Variants in SUSD1 observed in about 807,000 individuals in gnomAD.
SUSD1 encodes the protein sushi domain containing 1.
SUSD1 carries 65 observed loss-of-function variants against 86.9 expected under a neutral mutation model. That is an observed-to-expected ratio of 0.75 (90% CI 0.61 to 0.92). The LOEUF (loss-of-function observed/expected upper bound fraction) is 0.92, where lower values mean the gene tolerates loss of function less well. Ranked by LOEUF, SUSD1 falls within the 40% of genes least tolerant of loss-of-function variation. The pLI is 0.00. For missense variants in SUSD1, 850 were observed against 929.7 expected, an observed-to-expected ratio of 0.91 and a Z score of 1.11; for synonymous variants, 346 against 350.0, an observed-to-expected ratio of 0.99 and a Z score of 0.13.
At chr9:112,116,981 AAT>A (rs1425659059) in intron 6 of SUSD1, among the ~76,000 whole-genome samples, 1 of 152,072 alleles carries the variant, frequency 6.6e-6, no homozygotes, top group Non-Finnish European at 1.5e-5. Context: ...CTCTACTAAA[AAT>A]AGAGAAATTA....
rs148424470 is a variant in SUSD1, at chr9:112,098,610, G to A, written c.1334C>T (p.Ser445Leu). The A allele has an allele frequency of 1.7e-5, 28 of 1,614,022 alleles. No individual in the cohort carries two copies. Among genetic ancestry groups the A allele is most frequent in the East Asian group, 4.5e-5 (2 of 44,892 alleles). The change falls in exon 10 of 17, where the codon TCG (serine) becomes TTG (leucine). Residue 445 changes from serine (S) to leucine (L), a missense_variant. Physicochemically the swap from Ser to Leu is moderately radical, Grantham distance 145 (BLOSUM62 -2). Coordinates refer to ENST00000374270, the MANE Select transcript of SUSD1 (RefSeq NM_022486.5). ...TTGTTCCCTCGTTGTGAAGTTAAAC[G>A]ATGTTGCATGAGAAAAGTTAGCCAG... ...WYLANFSHAT[S>L]FNFTTREQVP...
At position 112,041,858 on chromosome 9, in the gene SUSD1, C is replaced by G. The variant is rs1196917778; in HGVS notation, c.2243+9G>C. On this transcript the variant is annotated intron_variant, in intron 16 of 16. Transcript: ENST00000374270. Reference sequence around the variant, plus strand: ...CCAGTCATTTCTCAAAAATGACACCCTCACATACCACACCGCTGAGAAGGA... The same window carrying G: ...CCAGTCATTTCTCAAAAATGACACCGTCACATACCACACCGCTGAGAAGGA... 6.2e-7 allele frequency: 1 copy of G among 1,612,372 alleles called. No homozygotes were observed. The highest frequency in any genetic ancestry group is 2.2e-5 in the East Asian group (1 of 44,680).
chr9:112,133,499 T>G (rs1398062872), intron 5 of SUSD1, among the ~76,000 whole-genome samples: 1 of 152,206 alleles, frequency 6.6e-6, no homozygotes, highest in African/African-American at 2.4e-5. Flanking sequence ...GGTGCTGGGA[T>G]AGCTGGCTAG....
At chr9:112,122,669 G>A (rs1459474923) in intron 6 of SUSD1, among the ~76,000 whole-genome samples, 1 of 152,190 alleles carries the variant, frequency 6.6e-6, no homozygotes, top group Non-Finnish European at 1.5e-5. Flanking sequence ...CTCAAAGAGA[G>A]ATTTGTACAC....
At chr9:112,133,102 A>G (rs1285181976) in intron 5 of SUSD1, among the ~76,000 whole-genome samples, 1 of 152,196 alleles carries the variant, frequency 6.6e-6, no homozygotes, top group Non-Finnish European at 1.5e-5. Context: ...ACATGTTAAG[A>G]CACTGTTTCT....
intron 1 of SUSD1, chr9:112,169,326 ACAGT>A (rs2131860335): frequency 6.6e-6 from 1 of 152,210 alleles, no homozygotes; most frequent in African/African-American, 2.4e-5. Flanking sequence ...TTGATTGTGG[ACAGT>A]CAGTTACAGA....
chr9:112,112,501 T>C (rs1831142389), intron 7 of SUSD1, among the ~76,000 whole-genome samples: 1 of 151,976 alleles, frequency 6.6e-6, no homozygotes, highest in South Asian at 2.1e-4. Flanking sequence ...CCAAGCATGG[T>C]AGTGCACACC....
chr9:112,104,156 C>T (rs746510418), intron 8 of SUSD1, among the ~76,000 whole-genome samples: 15 of 151,954 alleles, frequency 9.9e-5, no homozygotes, highest in Admixed American at 6.6e-4. Flanking sequence ...GCTAGGACTA[C>T]GGGCATGCAC....
chr9:112,117,925 G>C (rs909569531), intron 6 of SUSD1, among the ~76,000 whole-genome samples: 9 of 152,178 alleles, frequency 5.9e-5, no homozygotes, highest in Admixed American at 2.6e-4. Flanking sequence ...CAGTGAAGTG[G>C]GGGTGTTCGA....
intron 15 of SUSD1, among the ~76,000 whole-genome samples, chr9:112,045,906 T>C (rs1827936395): frequency 6.6e-6 from 1 of 152,234 alleles, no homozygotes; most frequent in African/African-American, 2.4e-5. Context: ...TTCTTCTAAC[T>C]ATCCCCTCAC....
rs375861501 is a variant in SUSD1, at chr9:112,111,850, G to C, written c.985-10C>G. On this transcript the variant is annotated splice_polypyrimidine_tract_variant and intron_variant, in intron 7 of 16. Coordinates refer to ENST00000374270, the MANE Select transcript of SUSD1 (RefSeq NM_022486.5). The stretch of plus-strand genomic sequence containing the variant: ...GTCCTTTTATGGATATCTTTGAGAG[G>C]AAAAGACAAGAGAACCCACTCTGAC... The C allele has an allele frequency of 1.2e-5, 20 of 1,612,636 alleles. No homozygotes were observed. The African/African-American group carries it at 2.5e-4, about 20-fold the overall frequency.
intron 5 of SUSD1, among the ~76,000 whole-genome samples, chr9:112,133,319 C>A (rs1270227467): frequency 6.6e-6 from 1 of 152,158 alleles, no homozygotes; most frequent in Non-Finnish European, 1.5e-5. Flanking sequence ...TCAAACTATA[C>A]TACAAAGCTA....
chr9:112,138,337 T>C (rs1832404975), intron 5 of SUSD1, among the ~76,000 whole-genome samples: 1 of 131,154 alleles, frequency 7.6e-6, no homozygotes, highest in African/African-American at 2.8e-5. Context: ...CATTTTGATG[T>C]ATGGCATTCT....
chr9:112,042,746 C>G (rs919062524), intron 15 of SUSD1, among the ~76,000 whole-genome samples: 3 of 152,156 alleles, frequency 2.0e-5, no homozygotes, highest in African/African-American at 4.8e-5. Flanking sequence ...TTCTAACCAG[C>G]CTTCACATTG....
chr9:112,063,004 T>C lies in SUSD1; in HGVS notation c.1783A>G (p.Thr595Ala), dbSNP rs1258140255. 6.2e-7 allele frequency: 1 copy of C among 1,613,366 alleles called. No individual in the cohort carries two copies. Among genetic ancestry groups the C allele is most frequent in the African/African-American group, 1.3e-5 (1 of 74,982 alleles). Residue 595 changes from threonine (T) to alanine (A), a missense_variant, in exon 13 of 17, where the codon ACG becomes GCG. Transcript: ENST00000374270. The stretch of plus-strand genomic sequence containing the variant: ...CGTGGTAGAGGTCCTCTGTGCACCG[T>C]AAAAAATTCTACTTCCGGGAGGGGA... Reference protein sequence around the residue: ...EPPLPEVEFFTVHRGPLPRLR... With the variant: ...EPPLPEVEFFAVHRGPLPRLR...
chr9:112,041,418 T>C lies in SUSD1; in HGVS notation c.*74A>G. The C allele has an allele frequency of 1.3e-6, 1 of 780,176 alleles. No homozygotes were observed. Among genetic ancestry groups the C allele is most frequent in the Admixed American group, 1.7e-5 (1 of 58,990 alleles). The allele number at this position is 780,176 out of a possible 1,614,324, so 48.3% of individuals were successfully genotyped here. On this transcript the variant is annotated 3_prime_UTR_variant, in exon 17 of 17. Coordinates refer to ENST00000374270, the MANE Select transcript of SUSD1 (RefSeq NM_022486.5). The stretch of plus-strand genomic sequence containing the variant: ...GGACGGAAGTCACACGGAGCCTCTG[T>C]GCGGGCACCTGAGAAGCTGCCAGAA...
chr9:112,147,075 CCT>C (rs1456109471), intron 3 of SUSD1, among the ~76,000 whole-genome samples: 2 of 152,192 alleles, frequency 1.3e-5, no homozygotes, highest in Admixed American at 6.5e-5. Context: ...AGAAGATTCC[CCT>C]GATTCCTTCC....
At chr9:112,067,084 C>T (rs1330017214) in intron 12 of SUSD1, among the ~76,000 whole-genome samples, 6 of 152,174 alleles carry the variant, frequency 3.9e-5, no homozygotes, top group Admixed American at 6.5e-5. Context: ...ACCATGTTGG[C>T]CAGGCTGGTC....
chr9:112,148,707 A>T (rs1832911288), intron 3 of SUSD1, among the ~76,000 whole-genome samples: 1 of 152,072 alleles, frequency 6.6e-6, no homozygotes, highest in South Asian at 2.1e-4. Context: ...GGAGTTTGAG[A>T]CCAGCCTGGC....
Sources: allele counts gnomAD v4.1 joint callset (sites outside exome capture counted in the v4.1 genomes callset), GRCh38; gene constraint gnomAD v4.1.1; transcripts MANE v1.5; gene names NCBI Gene and HGNC (gene_info 2026-07-23, HGNC 2026-07-21).